MICAL3: variants seen among roughly 807,000 people sequenced by gnomAD.
MICAL3 encodes [F-actin]-monooxygenase MICAL3.
Under a neutral mutation model 207.4 loss-of-function variants are expected in MICAL3, and 62 were observed. The observed-to-expected ratio is 0.30, with a 90% CI of 0.24 to 0.37. MICAL3 has a LOEUF of 0.37. MICAL3 is among the 10% of genes least tolerant of loss of function. MICAL3 has a pLI of 1.00. For missense variants in MICAL3, 2,368 were observed against 2,635.6 expected (o/e 0.90, Z 2.22); for synonymous variants, 1,077 against 1,069.3 (o/e 1.01, Z -0.14).
At chr22:17,872,913 C>T (rs1927870500) in intron 16 of MICAL3, 1 of 1,117,020 alleles carries the variant, frequency 9.0e-7, no homozygotes, top group Non-Finnish European at 1.4e-6. Context: ...GAAAAAAATA[C>T]ATAAATTAAG....
In MICAL3 at chr22:17,866,670, T is replaced by TAGAATAG. The variant is rs1569103237; in HGVS notation, c.2429-665_2429-659dup. 6.9e-5 allele frequency among the ~76,000 whole-genome samples: 9 copies of TAGAATAG among 130,574 alleles called. No homozygotes were observed. In the East Asian group the frequency reaches 7.0e-4, roughly 10 times the overall value. 85.7% of individuals were successfully genotyped at this position (130,574 alleles called of 152,430 possible). A position where few individuals can be genotyped will look rare whatever the true frequency, so the allele number is the denominator to read the frequency against. On this transcript the variant is annotated intron_variant, in intron 17 of 31. Coordinates refer to ENST00000441493, the MANE Select transcript of MICAL3 (RefSeq NM_015241.3). ...GAATAGAATAGAATAGAATAGAATA[T>TAGAATAG]AGAATAGAATAGAATAGAATCCAGA...
intron 1 of MICAL3, among the ~76,000 whole-genome samples, chr22:17,972,648 G>C (rs1935470940): frequency 6.6e-6 from 1 of 152,172 alleles, no homozygotes; most frequent in Admixed American, 6.5e-5. Flanking sequence ...CACACTTTGG[G>C]GCAGCAGGAG....
intron 19 of MICAL3, among the ~76,000 whole-genome samples, chr22:17,852,446 G>A (rs772501263): frequency 2.0e-5 from 3 of 152,138 alleles, no homozygotes; most frequent in African/African-American, 4.8e-5. Context: ...TTAGTGTCTC[G>A]GAATGGAGAG....
chr22:17,826,744 C>T (rs1922231654), intron 22 of MICAL3, among the ~76,000 whole-genome samples: 1 of 152,214 alleles, frequency 6.6e-6, no homozygotes, highest in South Asian at 2.1e-4. Context: ...CACCGCCGGC[C>T]CAGGGCTGCA....
At chr22:17,970,528 T>G (rs1051984852) in intron 1 of MICAL3, among the ~76,000 whole-genome samples, 1 of 152,238 alleles carries the variant, frequency 6.6e-6, no homozygotes. Context: ...CTGTGCTTTT[T>G]AGTTCTCACT....
chr22:17,931,237 T>C (rs542049524), intron 1 of MICAL3, among the ~76,000 whole-genome samples: 7 of 152,302 alleles, frequency 4.6e-5, no homozygotes, highest in African/African-American at 1.7e-4. Flanking sequence ...TATATAAAAA[T>C]TCAAGTTGCA....
At chr22:17,863,245 T>C (rs989260523) in intron 19 of MICAL3, 11 of 985,304 alleles carry the variant, frequency 1.1e-5, no homozygotes, top group Non-Finnish European at 9.6e-6. Flanking sequence ...TTTTAAAAAA[T>C]GTTCTGTACT....
At chr22:17,985,102 C>G (rs1471747170) in intron 1 of MICAL3, among the ~76,000 whole-genome samples, 7 of 152,234 alleles carry the variant, frequency 4.6e-5, no homozygotes, top group African/African-American at 1.7e-4. Flanking sequence ...CTGAGCAAAG[C>G]CACGCAAGAG....
At chr22:17,928,016 G>A (rs1933000209) in intron 1 of MICAL3, among the ~76,000 whole-genome samples, 1 of 152,108 alleles carries the variant, frequency 6.6e-6, no homozygotes. Context: ...TGTATACTCT[G>A]AGCACTCGAG....
chr22:18,021,910 T>C (rs1027990741), intron 1 of MICAL3, among the ~76,000 whole-genome samples: 18 of 152,162 alleles, frequency 1.2e-4, no homozygotes, highest in Admixed American at 3.3e-4. Context: ...TATGGTACCA[T>C]CATTTATACC....
At chr22:17,867,459 A>T (rs1196403485) in intron 17 of MICAL3, among the ~76,000 whole-genome samples, 1 of 152,220 alleles carries the variant, frequency 6.6e-6, no homozygotes, top group Non-Finnish European at 1.5e-5. Context: ...ATAAGGTAAG[A>T]TGTATGAGTG....
At chr22:17,870,863 TG>T (rs889679785) in intron 17 of MICAL3, among the ~76,000 whole-genome samples, 24 of 152,214 alleles carry the variant, frequency 1.6e-4, no homozygotes, top group African/African-American at 5.8e-4. Flanking sequence ...CTCACCTCTC[TG>T]GGCTCCTTCC....
chr22:17,991,893 T>G (rs1277360825), intron 1 of MICAL3, among the ~76,000 whole-genome samples: 2 of 152,072 alleles, frequency 1.3e-5, no homozygotes. Flanking sequence ...ATGACATTAT[T>G]ACAAGGCTCC....
At chr22:17,957,937 T>C (rs1238219190) in intron 1 of MICAL3, among the ~76,000 whole-genome samples, 2 of 152,158 alleles carry the variant, frequency 1.3e-5, no homozygotes, top group Non-Finnish European at 2.9e-5. Flanking sequence ...CAAGCCCTGC[T>C]ACTGAGAAAA....
Position 17,791,193 on chromosome 22 carries a change from G to C in MICAL3, c.5750+9C>G, listed in dbSNP as rs746119149. 1 of 1,613,192 alleles carries C rather than the reference G, an allele frequency of 6.2e-7. No individual in the cohort carries two copies. The highest frequency in any genetic ancestry group is 1.7e-5 in the Admixed American group (1 of 59,912). On this transcript the variant is annotated intron_variant, in intron 30 of 31. Coordinates refer to ENST00000441493, the MANE Select transcript of MICAL3 (RefSeq NM_015241.3). Reference sequence around the variant, plus strand: ...ATAGCGCTGACGCCCCCTACCCAAGGCCACTCACAAGATCATCAGCTCCGA... The same window carrying C: ...ATAGCGCTGACGCCCCCTACCCAAGCCCACTCACAAGATCATCAGCTCCGA...
intron 1 of MICAL3, among the ~76,000 whole-genome samples, chr22:17,923,826 G>A (rs756669035): frequency 6.6e-6 from 1 of 152,230 alleles, no homozygotes; most frequent in Non-Finnish European, 1.5e-5. Flanking sequence ...CTCCAGGGAA[G>A]CCATCTGTGT....
intron 1 of MICAL3, among the ~76,000 whole-genome samples, chr22:17,936,501 C>A (rs1933535216): frequency 6.6e-5 from 10 of 151,250 alleles, no homozygotes; most frequent in Admixed American, 6.6e-4. Flanking sequence ...GTGCAGCAAA[C>A]CAACATGGCA....
At chr22:17,808,571 G>A (rs2062011406) in intron 29 of MICAL3, among the ~76,000 whole-genome samples, 1 of 152,220 alleles carries the variant, frequency 6.6e-6, no homozygotes, top group Non-Finnish European at 1.5e-5. Context: ...AGGGGGAAGA[G>A]CCAGCGCTCG....
Position 17,790,978 on chromosome 22 carries a change from G to T in MICAL3, c.5824+20C>A. 1 of 1,612,796 alleles carries T rather than the reference G, an allele frequency of 6.2e-7. No homozygotes were observed. The highest frequency in any genetic ancestry group is 8.5e-7 in the Non-Finnish European group (1 of 1,179,810). On this transcript the variant is annotated intron_variant, in intron 31 of 31. Coordinates refer to ENST00000441493, the MANE Select transcript of MICAL3 (RefSeq NM_015241.3). The stretch of plus-strand genomic sequence containing the variant: ...AGGTGGCACCCACCCTGGCCTCCAT[G>T]GGTGCCTTACCCCACTCACCTTCCA...
Sources: allele counts gnomAD v4.1 joint callset (sites outside exome capture counted in the v4.1 genomes callset), GRCh38; gene constraint gnomAD v4.1.1; transcripts MANE v1.5; gene names NCBI Gene and HGNC (gene_info 2026-07-23, HGNC 2026-07-21).